Variants in ZFYVE9 observed in about 807,000 individuals in gnomAD.
The protein encoded by ZFYVE9 is zinc finger FYVE domain-containing protein 9.
In ZFYVE9, 43 loss-of-function variants were observed where a neutral mutation model predicts 126.7. The ratio of observed to expected loss-of-function variants is 0.34; its 90% confidence interval spans 0.27 to 0.44. The LOEUF (loss-of-function observed/expected upper bound fraction) is 0.44. Ranked by LOEUF, ZFYVE9 falls within the 20% of genes least tolerant of loss-of-function variation. ZFYVE9 has a pLI of 1.00. For missense variants in ZFYVE9, 1,476 were observed against 1,697.0 expected, an observed-to-expected ratio of 0.87 and a Z score of 2.29; for synonymous variants, 521 against 597.4, an observed-to-expected ratio of 0.87 and a Z score of 1.87.
At chr1:52,180,326 C>G in intron 1 of ZFYVE9, 1 of 1,577,176 alleles carries the variant, frequency 6.3e-7, no homozygotes, top group East Asian at 2.2e-5. Context: ...GGAATCTGCC[C>G]ATGATATTTG....
At chr1:52,269,999 G>A (rs1645673547) in intron 7 of ZFYVE9, among the ~76,000 whole-genome samples, 1 of 152,028 alleles carries the variant, frequency 6.6e-6, no homozygotes, top group Admixed American at 6.6e-5. Flanking sequence ...GAATAGTACA[G>A]TGAATACCCA....
intron 1 of ZFYVE9, among the ~76,000 whole-genome samples, chr1:52,173,907 G>A (rs573882914): frequency 6.6e-5 from 10 of 151,748 alleles, no homozygotes; most frequent in South Asian, 4.2e-4. Flanking sequence ...TTCTTTGTTA[G>A]TCTTGCTAGC....
At chr1:52,341,538 A>G (rs1027208327) in intron 17 of ZFYVE9, among the ~76,000 whole-genome samples, 1 of 152,264 alleles carries the variant, frequency 6.6e-6, no homozygotes, top group African/African-American at 2.4e-5. Context: ...GGTAGATCTT[A>G]GATCCCTTTA....
intron 1 of ZFYVE9, among the ~76,000 whole-genome samples, chr1:52,199,892 A>G (rs1309662782): frequency 6.6e-6 from 1 of 152,166 alleles, no homozygotes; most frequent in Non-Finnish European, 1.5e-5. Flanking sequence ...GTGTGGTGGA[A>G]TCTCATAGTT....
At chr1:52,220,460 C>A (rs544431100) in intron 2 of ZFYVE9, among the ~76,000 whole-genome samples, 246 of 152,274 alleles carry the variant, frequency 1.6e-3, no homozygotes, top group African/African-American at 5.8e-3. Flanking sequence ...CTTGAGGCAG[C>A]CGATTGGGGG....
chr1:52,180,069 C>G, intron 1 of ZFYVE9: 1 of 849,702 alleles, frequency 1.2e-6, no homozygotes, highest in Admixed American at 1.7e-5. Context: ...ACAGCAGAGA[C>G]TGGCTGAGTG....
At chr1:52,342,706 T>C (rs1191601063) in intron 17 of ZFYVE9, among the ~76,000 whole-genome samples, 2 of 151,736 alleles carry the variant, frequency 1.3e-5, no homozygotes, top group South Asian at 2.1e-4. Context: ...CAGCTAACTT[T>C]TGTATTTTTA....
At chr1:52,149,538 C>T (rs772742993) in intron 1 of ZFYVE9, among the ~76,000 whole-genome samples, 4 of 152,096 alleles carry the variant, frequency 2.6e-5, no homozygotes, top group African/African-American at 7.2e-5. Flanking sequence ...TAAGAATTGC[C>T]GTTACCTCTC....
chr1:52,172,927 T>C (rs1186427131), intron 1 of ZFYVE9, among the ~76,000 whole-genome samples: 12 of 152,270 alleles, frequency 7.9e-5, no homozygotes, highest in Admixed American at 7.9e-4. Flanking sequence ...TTTCTAGATA[T>C]ACAATCATGT....
chr1:52,263,821 G>T lies in ZFYVE9; in HGVS notation c.2227G>T (p.Asp743Tyr), dbSNP rs1294970865. 6.5e-7 allele frequency: 1 copy of T among 1,547,964 alleles called. No individual in the cohort carries two copies. The highest frequency in any genetic ancestry group is 8.7e-7 in the Non-Finnish European group (1 of 1,143,974). ...CSLKCKLLYM[D>Y]RKEARVCVIC... The stretch of plus-strand genomic sequence containing the variant: ...CCTGAAATGTAAACTGTTATACATG[G>T]ACAGAAAGGAAGCTAGAGTGTGTGT... Residue 743 changes from aspartate (D) to tyrosine (Y), a missense_variant, in exon 5 of 19, where the codon GAC becomes TAC. Around this residue, in one of 2 missense-constraint regions of ZFYVE9, gnomAD observed 669 missense variants for 902.4 expected, o/e 0.74. Coordinates refer to ENST00000287727, the MANE Select transcript of ZFYVE9 (RefSeq NM_004799.4).
intron 2 of ZFYVE9, among the ~76,000 whole-genome samples, chr1:52,227,974 C>G (rs1017292648): frequency 6.6e-6 from 1 of 152,224 alleles, no homozygotes; most frequent in Non-Finnish European, 1.5e-5. Flanking sequence ...GACTGCCACT[C>G]TTCAGTTCCT....
At chr1:52,310,862 G>T (rs1646130531) in intron 13 of ZFYVE9, among the ~76,000 whole-genome samples, 3 of 152,118 alleles carry the variant, frequency 2.0e-5, no homozygotes, top group Admixed American at 1.3e-4. Context: ...CTAGTTTTTT[G>T]TTGTTGTTGT....
At chr1:52,201,829 G>C (rs1031274515) in intron 1 of ZFYVE9, among the ~76,000 whole-genome samples, 2 of 151,760 alleles carry the variant, frequency 1.3e-5, no homozygotes, top group African/African-American at 4.8e-5. Context: ...TGTCACCCAG[G>C]CTGGAGTGCA....
intron 1 of ZFYVE9, among the ~76,000 whole-genome samples, chr1:52,189,239 T>C (rs1244791950): frequency 1.4e-5 from 2 of 139,964 alleles, no homozygotes; most frequent in Admixed American, 1.5e-4. Context: ...GCCCAGCCTA[T>C]TTTTTTTTTT....
At chr1:52,191,661 A>G (rs1463667718) in intron 1 of ZFYVE9, among the ~76,000 whole-genome samples, 1 of 152,234 alleles carries the variant, frequency 6.6e-6, no homozygotes, top group Non-Finnish European at 1.5e-5. Flanking sequence ...TTCAGGTCAT[A>G]TAGTTAGTAA....
intron 13 of ZFYVE9, among the ~76,000 whole-genome samples, chr1:52,306,363 G>A (rs997998827): frequency 6.6e-6 from 1 of 152,104 alleles, no homozygotes; most frequent in Non-Finnish European, 1.5e-5. Flanking sequence ...TCACTCCAGG[G>A]CCGCCTCTCT....
intron 14 of ZFYVE9, 140 bp downstream of exon 14, chr1:52,333,058 C>A: frequency 1.7e-6 from 2 of 1,196,624 alleles, no homozygotes; most frequent in Non-Finnish European, 2.3e-6. Flanking sequence ...CCATATTCTT[C>A]AGGATTATGT....
At chr1:52,159,986 C>T (rs377473727) in intron 1 of ZFYVE9, among the ~76,000 whole-genome samples, 5 of 150,124 alleles carry the variant, frequency 3.3e-5, no homozygotes, top group East Asian at 1.9e-4. Flanking sequence ...TTAGTAGAGT[C>T]GGGGTTTCTT....
intron 1 of ZFYVE9, among the ~76,000 whole-genome samples, chr1:52,188,970 C>G (rs1452600111): frequency 6.6e-6 from 1 of 151,892 alleles, no homozygotes; most frequent in East Asian, 1.9e-4. Flanking sequence ...TGGAGTCTTG[C>G]TTTGTTGCCC....
Sources: gnomAD v4.1 joint callset for allele counts (sites outside exome capture counted in the v4.1 genomes callset) on GRCh38, gnomAD v4.1.1 for gene constraint, gnomAD v4.1.1 regional missense constraint, MANE v1.5 for transcripts, NCBI Gene and HGNC (gene_info 2026-07-23, HGNC 2026-07-21) for gene names.